The following HDAC9 variants were observed in gnomAD, a reference collection of about 807,000 sequenced individuals.
HDAC9 encodes MEF-2 interacting transcription repressor (MITR) protein.
HDAC9 carries 41 observed loss-of-function variants against 139.4 expected under a neutral mutation model. That is an observed-to-expected ratio of 0.29 (90% CI 0.23 to 0.38). The LOEUF (loss-of-function observed/expected upper bound fraction) is 0.38. Among genes scored for constraint, HDAC9 ranks in the 10% least tolerant of loss-of-function variants. The probability of loss-of-function intolerance (pLI) is 1.00; values close to 1 mark genes in which losing one functional copy is unlikely to be tolerated. For missense variants in HDAC9, 1,147 were observed against 1,297.0 expected (o/e 0.88, Z 1.78); for synonymous variants, 517 against 476.2 (o/e 1.09, Z -1.12).
At chr7:18,932,660 G>A (rs906304078) in intron 22 of HDAC9, among the ~76,000 whole-genome samples, 1 of 151,820 alleles carries the variant, frequency 6.6e-6, no homozygotes, top group Admixed American at 6.6e-5. Context: ...CCAACACTTT[G>A]GAAGAGAATA....
chr7:18,291,357 G>T (rs1015088), intron 1 of HDAC9, among the ~76,000 whole-genome samples: 1 of 151,724 alleles, frequency 6.6e-6, no homozygotes, highest in East Asian at 1.9e-4. Flanking sequence ...ATTTGGTTCT[G>T]TCACAATCCA....
intron 3 of HDAC9, among the ~76,000 whole-genome samples, chr7:18,587,545 CTTTA>C (rs1354449970): frequency 1.4e-4 from 21 of 152,048 alleles, no homozygotes; most frequent in Non-Finnish European, 2.5e-4. Flanking sequence ...TTACATGATG[CTTTA>C]TTTATATTAG....
rs1256271735 is a variant in HDAC9 at position 18,874,594 on chromosome 7, A to G, written c.2801A>G (p.Lys934Arg). The G allele has an allele frequency of 9.0e-6, 14 of 1,550,504 alleles. No homozygotes were observed. Among genetic ancestry groups the G allele is most frequent in the Non-Finnish European group, 1.2e-5 (14 of 1,134,486 alleles). The change falls in exon 22 of 26, where the codon AAA becomes AGA. Residue 934 changes from lysine (K) to arginine (R), a missense_variant and splice_region_variant. Transcript: ENST00000686413. ...CTAGGAGGGTACAAAGTGACGGCAA[A>G]ATGTAAGTACCTCTTTCAGGACTTT... is the stretch of plus-strand genomic sequence containing the variant. ...PPLGGYKVTA[K>R]CFGHLTKQLM...
intron 13 of HDAC9, among the ~76,000 whole-genome samples, chr7:18,732,464 ATG>A (rs1786151929): frequency 1.3e-5 from 1 of 76,418 alleles, no homozygotes; most frequent in South Asian, 4.4e-4. Flanking sequence ...GTATATTTGT[ATG>A]TGTGTATATA....
intron 8 of HDAC9, among the ~76,000 whole-genome samples, chr7:18,636,502 C>A (rs1378177005): frequency 6.6e-6 from 1 of 151,976 alleles, no homozygotes; most frequent in Non-Finnish European, 1.5e-5. Context: ...GAGGAATATA[C>A]CTTCCTTCTA....
At chr7:18,934,856 G>A (rs566395669) in intron 22 of HDAC9, among the ~76,000 whole-genome samples, 1 of 152,202 alleles carries the variant, frequency 6.6e-6, no homozygotes, top group African/African-American at 2.4e-5. Context: ...TGTTCATGGC[G>A]ACGTTATTTG....
intron 22 of HDAC9, among the ~76,000 whole-genome samples, chr7:18,933,280 A>G (rs1323189563): frequency 6.6e-6 from 1 of 152,128 alleles, no homozygotes; most frequent in African/African-American, 2.4e-5. Context: ...TTAGAAGGCA[A>G]CAAGAGAACT....
At chr7:18,519,885 C>A (rs1250921491) in intron 2 of HDAC9, among the ~76,000 whole-genome samples, 2 of 151,882 alleles carry the variant, frequency 1.3e-5, no homozygotes, top group Non-Finnish European at 2.9e-5. Context: ...AAATACAAGT[C>A]ATTAAAGTTA....
chr7:18,327,175 T>C (rs1390496033), intron 1 of HDAC9, among the ~76,000 whole-genome samples: 2 of 151,896 alleles, frequency 1.3e-5, no homozygotes, highest in African/African-American at 4.8e-5. Context: ...TCTTTTTCAT[T>C]TTTAATTAGT....
intron 7 of HDAC9, 73 bp downstream of exon 7, chr7:18,629,554 C>A (rs1244461430): frequency 3.7e-6 from 5 of 1,341,988 alleles, no homozygotes; most frequent in Non-Finnish European, 5.1e-6. Flanking sequence ...AATAAATATA[C>A]CTGCTGCATA....
chr7:18,764,874 A>G (rs1789690764), intron 15 of HDAC9, among the ~76,000 whole-genome samples: 2 of 150,730 alleles, frequency 1.3e-5, no homozygotes, highest in South Asian at 2.1e-4. Context: ...AAAGTTCAGT[A>G]TGATGAGACC....
intron 12 of HDAC9, chr7:18,668,749 C>G: frequency 1.0e-6 from 1 of 980,140 alleles, no homozygotes; most frequent in Non-Finnish European, 1.2e-6. Flanking sequence ...AAGGTGATCT[C>G]TTGTTTTGTG....
At chr7:18,192,741 T>C (rs968828267) in intron 2 of HDAC9, among the ~76,000 whole-genome samples, 9 of 152,182 alleles carry the variant, frequency 5.9e-5, no homozygotes, top group South Asian at 2.1e-4. Flanking sequence ...AACAATGGAA[T>C]AGAATAGGCT....
intron 2 of HDAC9, among the ~76,000 whole-genome samples, chr7:18,568,783 C>T (rs1052898448): frequency 1.3e-5 from 2 of 152,164 alleles, no homozygotes; most frequent in Non-Finnish European, 2.9e-5. Context: ...CGCAGTGGCT[C>T]ACACCTGTAA....
chr7:18,907,698 T>A (rs544544516), intron 22 of HDAC9, among the ~76,000 whole-genome samples: 4 of 152,300 alleles, frequency 2.6e-5, no homozygotes, highest in African/African-American at 9.6e-5. Context: ...CAGATAATTC[T>A]GGAAAGAAAA....
At chr7:18,356,145 A>C (rs186446224) in intron 1 of HDAC9, among the ~76,000 whole-genome samples, 217 of 152,248 alleles carry the variant, frequency 1.4e-3, no homozygotes, top group Non-Finnish European at 2.4e-3. Context: ...AAGATCCAGA[A>C]TTGGGTCTTC....
rs1234743047 is a variant in HDAC9 at position 18,998,134 on chromosome 7, GA to G, written c.*2075del. ...AAAGACTCTCCCCCATTTTAAAAAG[GA>G]AACTCATGTTTTAATTAGAAAAATA... On this transcript the variant is annotated 3_prime_UTR_variant, in exon 26 of 26. Coordinates refer to ENST00000686413, the MANE Select transcript of HDAC9 (RefSeq NM_178425.4). 3 of 152,096 alleles carry G rather than the reference GA, an allele frequency of 2.0e-5. No homozygotes were observed. The highest frequency in any genetic ancestry group is 4.4e-5 in the Non-Finnish European group (3 of 68,000). 9.4% of individuals were successfully genotyped at this position (152,096 alleles called of 1,614,324 possible).
intron 23 of HDAC9, among the ~76,000 whole-genome samples, chr7:18,949,999 T>C (rs1276833959): frequency 6.6e-6 from 1 of 152,036 alleles, no homozygotes; most frequent in East Asian, 1.9e-4. Context: ...ATTCATAAAA[T>C]TGTAGAATAT....
intron 1 of HDAC9, among the ~76,000 whole-genome samples, chr7:18,332,798 C>T (rs993676659): frequency 7.9e-5 from 12 of 151,472 alleles, no homozygotes; most frequent in Admixed American, 5.9e-4. Flanking sequence ...AGACTGTGAG[C>T]TAATAGTTTT....
Sources: allele counts gnomAD v4.1 joint callset (sites outside exome capture counted in the v4.1 genomes callset), GRCh38; gene constraint gnomAD v4.1.1; transcripts MANE v1.5; gene names NCBI Gene and HGNC (gene_info 2026-07-23, HGNC 2026-07-21).